SOX5: variants seen among roughly 807,000 people sequenced by gnomAD.
The protein encoded by SOX5 is transcription factor SOX-5.
SOX5 carries 9 observed loss-of-function variants against 92.0 expected under a neutral mutation model. That is an observed-to-expected ratio of 0.10 (90% CI 0.06 to 0.17). The LOEUF is 0.17. Among genes scored for constraint, SOX5 ranks in the 10% least tolerant of loss-of-function variants. The pLI is 1.00. For missense variants in SOX5, 642 were observed against 944.5 expected, an observed-to-expected ratio of 0.68 and a Z score of 4.20; for synonymous variants, 344 against 336.3, an observed-to-expected ratio of 1.02 and a Z score of -0.25.
intron 6 of SOX5, among the ~76,000 whole-genome samples, chr12:23,713,314 AC>A (rs1244451849): frequency 2.4e-4 from 36 of 152,220 alleles, no homozygotes; most frequent in Admixed American, 1.8e-3. Context: ...TTGATTTCAG[AC>A]TCTGACCTCC....
At chr12:23,692,374 T>G (rs1019255907) in intron 6 of SOX5, among the ~76,000 whole-genome samples, 2 of 150,478 alleles carry the variant, frequency 1.3e-5, no homozygotes, top group African/African-American at 4.9e-5. Context: ...GAGGTGGAGG[T>G]TGCATTGAGC....
intron 1 of SOX5, among the ~76,000 whole-genome samples, chr12:23,937,360 AAATGAAATGGGTCAAAC>A (rs1256732071): frequency 6.6e-6 from 1 of 150,956 alleles, no homozygotes; most frequent in Non-Finnish European, 1.5e-5. Context: ...ACCTTTAGGT[AAATGAAATGGGTCAAAC>A]AATTAGATTT....
At chr12:23,610,216 A>C (rs1029109702) in intron 8 of SOX5, among the ~76,000 whole-genome samples, 10 of 152,298 alleles carry the variant, frequency 6.6e-5, no homozygotes, top group Admixed American at 5.9e-4. Context: ...CAATCAGCTT[A>C]TTTAAATTCT....
chr12:23,853,865 G>A (rs1336985276), intron 2 of SOX5, among the ~76,000 whole-genome samples: 3 of 152,066 alleles, frequency 2.0e-5, no homozygotes, highest in African/African-American at 7.2e-5. Context: ...TCTTCCCTGA[G>A]TGAGCAAAGA....
At chr12:24,254,504 A>T (rs1362928059) in intron 3 of SOX5, among the ~76,000 whole-genome samples, 5 of 152,050 alleles carry the variant, frequency 3.3e-5, no homozygotes, top group Non-Finnish European at 7.4e-5. Flanking sequence ...AGGGAAAAAA[A>T]ATCATCTAAT....
At chr12:24,529,582 A>C (rs1260120525) in intron 1 of SOX5, among the ~76,000 whole-genome samples, 1 of 152,260 alleles carries the variant, frequency 6.6e-6, no homozygotes, top group Middle Eastern at 3.2e-3. Context: ...GATGAAGGTC[A>C]TGGGAGATAT....
chr12:23,552,990 A>G (rs554018241), intron 11 of SOX5, among the ~76,000 whole-genome samples: 1 of 152,154 alleles, frequency 6.6e-6, no homozygotes, highest in South Asian at 2.1e-4. Flanking sequence ...CAAGATATTT[A>G]AAGACAACTA....
chr12:24,106,482 C>T (rs1337261282), intron 4 of SOX5, among the ~76,000 whole-genome samples: 1 of 151,988 alleles, frequency 6.6e-6, no homozygotes, highest in Non-Finnish European at 1.5e-5. Context: ...AAAACAAAAA[C>T]GTCAAATGGT....
intron 1 of SOX5, among the ~76,000 whole-genome samples, chr12:24,553,837 G>A (rs1322761976): frequency 6.6e-6 from 1 of 152,188 alleles, no homozygotes; most frequent in African/African-American, 2.4e-5. Context: ...GAGGACCTAT[G>A]AAATTTCTTT....
Position 23,975,347 on chromosome 12 carries a change from T to TAA in SOX5, c.-1-79325_-1-79324dup, listed in dbSNP as rs1369141914. ...GATATATAATATGATATACTTTTTTTAAAAAAAAAAATTAAGTGTAAAGCG... is the reference window on the plus strand; with the variant it reads ...GATATATAATATGATATACTTTTTTTAAAAAAAAAAAAATTAAGTGTAAAGCG... On this transcript the variant is annotated intron_variant, in intron 4 of 4. Coordinates refer to the SOX5 transcript ENST00000446891. 8.3e-3 allele frequency among the ~76,000 whole-genome samples: 1,251 copies of TAA among 150,832 alleles called. 25 individuals are homozygous for TAA. Among genetic ancestry groups the TAA allele is most frequent in the African/African-American group, 0.029 (1,190 of 41,108 alleles).
chr12:23,939,634 A>G (rs984084637), intron 1 of SOX5, among the ~76,000 whole-genome samples: 1 of 150,960 alleles, frequency 6.6e-6, no homozygotes, highest in African/African-American at 2.4e-5. Flanking sequence ...AGGACCTTAG[A>G]TATGTATATT....
chr12:23,986,857 T>A (rs963268249), intron 4 of SOX5, among the ~76,000 whole-genome samples: 7 of 151,510 alleles, frequency 4.6e-5, no homozygotes, highest in South Asian at 4.2e-4. Flanking sequence ...CAATTTTTTT[T>A]AATACGTAAT....
chr12:24,419,847 A>G (rs1190590483), intron 1 of SOX5, among the ~76,000 whole-genome samples: 1 of 152,236 alleles, frequency 6.6e-6, no homozygotes, highest in East Asian at 1.9e-4. Context: ...CTGAAATACC[A>G]TGCTAAAAAA....
intron 3 of SOX5, among the ~76,000 whole-genome samples, chr12:23,843,458 G>A (rs998024581): frequency 1.1e-4 from 16 of 148,296 alleles, no homozygotes; most frequent in Admixed American, 8.1e-4. Context: ...TAATTTTTCC[G>A]TAAATCTAAA....
chr12:24,074,550 T>C (rs1942248177), intron 4 of SOX5, among the ~76,000 whole-genome samples: 1 of 139,656 alleles, frequency 7.2e-6, no homozygotes. Flanking sequence ...ACCCAAACAG[T>C]ACATCAGTCA....
intron 9 of SOX5, 24 bp from the exon 10 acceptor site, chr12:23,575,862 G>A: frequency 6.6e-7 from 1 of 1,508,656 alleles, no homozygotes; most frequent in Middle Eastern, 1.8e-4. Context: ...TAGAACATGA[G>A]CTGTGATAAG....
intron 2 of SOX5, among the ~76,000 whole-genome samples, chr12:23,850,124 G>A (rs544413784): frequency 1.2e-4 from 18 of 152,168 alleles, no homozygotes; most frequent in African/African-American, 4.1e-4. Context: ...GCAACGGGTT[G>A]TGATTTATAA....
chr12:24,194,533 A>G (rs1419834776), intron 4 of SOX5, among the ~76,000 whole-genome samples: 2 of 152,194 alleles, frequency 1.3e-5, no homozygotes, highest in Non-Finnish European at 2.9e-5. Context: ...TGGGAACAAC[A>G]TATCTATATA....
chr12:23,831,105 G>T, intron 3 of SOX5, among the ~76,000 whole-genome samples: 1 of 151,998 alleles, frequency 6.6e-6, no homozygotes, highest in Non-Finnish European at 1.5e-5. Context: ...TCTATTTAGA[G>T]GATCTAATGG....
Sources: gnomAD v4.1 joint callset for allele counts (sites outside exome capture counted in the v4.1 genomes callset) on GRCh38, gnomAD v4.1.1 for gene constraint, MANE v1.5 for transcripts, NCBI Gene and HGNC (gene_info 2026-07-23, HGNC 2026-07-21) for gene names.